Variants in PDZD2 observed in about 807,000 individuals in gnomAD.
PDZD2 encodes the protein PDZ domain-containing protein 2.
In PDZD2, 90 loss-of-function variants were observed where a neutral mutation model predicts 220.7. That is an observed-to-expected ratio of 0.41 (90% confidence interval 0.34 to 0.49). PDZD2 has a LOEUF of 0.49. Ranked by LOEUF, PDZD2 falls within the 20% of genes least tolerant of loss-of-function variation. The pLI, the probability that PDZD2 is intolerant of heterozygous loss-of-function variation, is 0.28. For missense variants in PDZD2, 3,174 were observed against 3,608.5 expected (o/e 0.88, Z 3.08); for synonymous variants, 1,375 against 1,450.5 (o/e 0.95, Z 1.18).
chr5:31,735,905 A>G (rs1334312478), intron 1 of PDZD2, among the ~76,000 whole-genome samples: 2 of 152,224 alleles, frequency 1.3e-5, no homozygotes, highest in African/African-American at 4.8e-5. Flanking sequence ...ATATCGCACC[A>G]CTGCACTCCA....
intron 4 of PDZD2, 88 bp downstream of exon 4, chr5:31,995,806 G>A: frequency 8.3e-7 from 1 of 1,202,236 alleles, no homozygotes; most frequent in African/African-American, 1.5e-5. Flanking sequence ...TCTTCCACTT[G>A]TTCAAAGCCC....
chr5:32,064,576 T>C (rs2112357970), intron 14 of PDZD2, among the ~76,000 whole-genome samples: 1 of 152,320 alleles, frequency 6.6e-6, no homozygotes, highest in Admixed American at 6.5e-5. Flanking sequence ...TTTATTCTTT[T>C]GAGCGCTTGT....
intron 5 of PDZD2, among the ~76,000 whole-genome samples, chr5:32,003,799 C>T (rs926329567): frequency 2.6e-5 from 4 of 152,166 alleles, no homozygotes; most frequent in East Asian, 1.9e-4. Context: ...GCAACCTCTG[C>T]GTCCCGAGTT....
At position 31,665,748 on chromosome 5, in the gene PDZD2, G is replaced by GT. The variant is rs377476943; in HGVS notation, c.-361+26312dup. ...GAGGCCTTCCCAGCCACGCGGAACT[G>GT]TGAACTAATTAAAGCTGTTCTCTTT... On this transcript the variant is annotated intron_variant, in intron 1 of 24. Coordinates refer to ENST00000438447, the MANE Select transcript of PDZD2 (RefSeq NM_178140.4). 5.4e-3 allele frequency among the ~76,000 whole-genome samples: 815 copies of GT among 150,196 alleles called. 7 individuals are homozygous for GT. The highest frequency in any genetic ancestry group is 0.019 in the African/African-American group (774 of 41,090).
chr5:31,896,621 T>C (rs1191506030), intron 2 of PDZD2, among the ~76,000 whole-genome samples: 1 of 152,180 alleles, frequency 6.6e-6, no homozygotes, highest in African/African-American at 2.4e-5. Context: ...TCTGAGTCTT[T>C]AGAGATACAT....
intron 1 of PDZD2, among the ~76,000 whole-genome samples, chr5:31,682,976 A>T (rs1746707788): frequency 6.6e-6 from 1 of 151,788 alleles, no homozygotes; most frequent in Admixed American, 6.6e-5. Context: ...GATGGGAGTC[A>T]TTTTTCTCTG....
chr5:32,018,270 G>A (rs1469848396), intron 6 of PDZD2, among the ~76,000 whole-genome samples: 1 of 152,212 alleles, frequency 6.6e-6, no homozygotes, highest in Non-Finnish European at 1.5e-5. Context: ...TGATTCTGAA[G>A]CTCAGTGAGA....
chr5:31,708,059 G>A (rs994524782), intron 1 of PDZD2, among the ~76,000 whole-genome samples: 1 of 152,180 alleles, frequency 6.6e-6, no homozygotes, highest in African/African-American at 2.4e-5. Flanking sequence ...ATTCTCAAGA[G>A]ATACGTAATA....
intron 2 of PDZD2, among the ~76,000 whole-genome samples, chr5:31,827,712 A>AGT (rs1561490109): frequency 3.3e-5 from 5 of 151,716 alleles, no homozygotes; most frequent in East Asian, 1.9e-4. Context: ...AATAAATAAA[A>AGT]AAATAAAAAT....
chr5:32,007,160 C>T (rs1178083286), intron 5 of PDZD2, among the ~76,000 whole-genome samples: 1 of 151,892 alleles, frequency 6.6e-6, no homozygotes, highest in Admixed American at 6.6e-5. Context: ...CCTCGTGATC[C>T]ACCCGCTTTG....
At chr5:31,657,856 T>G (rs1745608469) in intron 1 of PDZD2, among the ~76,000 whole-genome samples, 1 of 152,164 alleles carries the variant, frequency 6.6e-6, no homozygotes, top group African/African-American at 2.4e-5. Context: ...AAGGAGGCAT[T>G]AGTAGAAGAG....
Position 31,869,056 on chromosome 5 carries a change from A to G in PDZD2, c.476+69332A>G, listed in dbSNP as rs1738497730. Among the ~76,000 whole-genome samples, 6 of 152,294 alleles carry G rather than the reference A, an allele frequency of 3.9e-5. No homozygotes were observed. The South Asian group carries it at 1.2e-3, about 32-fold the overall frequency. On this transcript the variant is annotated intron_variant, in intron 2 of 24. Coordinates refer to ENST00000438447, the MANE Select transcript of PDZD2 (RefSeq NM_178140.4). ...CCAAAGTTCTGGGATTACAGACATG[A>G]GCCACCATACCCAGCCAAAGGTCAG...
chr5:31,829,343 T>G (rs902835473), intron 2 of PDZD2, among the ~76,000 whole-genome samples: 3 of 151,802 alleles, frequency 2.0e-5, no homozygotes, highest in African/African-American at 7.3e-5. Context: ...ATTTTTTTTT[T>G]TTTTGAGACA....
intron 19 of PDZD2, among the ~76,000 whole-genome samples, chr5:32,085,172 C>T (rs1742323575): frequency 6.6e-6 from 1 of 151,280 alleles, no homozygotes; most frequent in Non-Finnish European, 1.5e-5. Context: ...CCAAGCTGGT[C>T]TCAAACTCCT....
intron 1 of PDZD2, among the ~76,000 whole-genome samples, chr5:31,723,086 A>T (rs1469702653): frequency 6.6e-6 from 1 of 152,258 alleles, no homozygotes; most frequent in African/African-American, 2.4e-5. Flanking sequence ...CAGAACATGA[A>T]CATTAACTGA....
Position 31,799,078 on chromosome 5 carries a change from C to T in PDZD2, c.-171C>T. ...TAATTGGGTCCTAGCTTCCTCCTGC[C>T]AAGGCAAACAGCATAGTCTCGAGTA... On this transcript the variant is annotated 5_prime_UTR_variant, in exon 2 of 25. Coordinates refer to ENST00000438447, the MANE Select transcript of PDZD2 (RefSeq NM_178140.4). 1.7e-6 allele frequency: 1 copy of T among 583,434 alleles called. No individual in the cohort carries two copies. The highest frequency in any genetic ancestry group is 3.1e-6 in the Non-Finnish European group (1 of 327,742). 36.1% of individuals were successfully genotyped at this position (583,434 alleles called of 1,614,324 possible).
At chr5:31,914,599 T>C (rs1743514913) in intron 2 of PDZD2, among the ~76,000 whole-genome samples, 1 of 152,198 alleles carries the variant, frequency 6.6e-6, no homozygotes, top group African/African-American at 2.4e-5. Flanking sequence ...TAGGAGTAGA[T>C]AGAACATGTC....
chr5:32,082,028 T>G (rs571305435), intron 19 of PDZD2, among the ~76,000 whole-genome samples: 14 of 148,812 alleles, frequency 9.4e-5, no homozygotes, highest in African/African-American at 4.9e-5. Context: ...TATCTTTGTT[T>G]TTTTTTTTTT....
intron 1 of PDZD2, among the ~76,000 whole-genome samples, chr5:31,655,472 A>G (rs1745512825): frequency 6.6e-6 from 1 of 152,074 alleles, no homozygotes; most frequent in Non-Finnish European, 1.5e-5. Flanking sequence ...CGCCCGGCCT[A>G]GTTTTTTAAT....
Sources: gnomAD v4.1 joint callset for allele counts (sites outside exome capture counted in the v4.1 genomes callset) on GRCh38, gnomAD v4.1.1 for gene constraint, MANE v1.5 for transcripts, NCBI Gene and HGNC (gene_info 2026-07-23, HGNC 2026-07-21) for gene names.